LGR4: variants seen among roughly 807,000 people sequenced by gnomAD.
The protein encoded by LGR4 is leucine-rich repeat-containing G protein-coupled receptor 4.
In LGR4, 44 loss-of-function variants were observed where a neutral mutation model predicts 84.8. That is an observed-to-expected ratio of 0.52 (90% CI 0.41 to 0.67). LGR4 has a LOEUF of 0.67. LGR4 is among the 30% of genes least tolerant of loss of function. LGR4 has a pLI of 0.00. For synonymous variants in LGR4, 429 were observed against 434.3 expected, an observed-to-expected ratio of 0.99 and a Z score of 0.15; for missense variants, 1,032 against 1,131.4, an observed-to-expected ratio of 0.91 and a Z score of 1.26.
intron 2 of LGR4, among the ~76,000 whole-genome samples, chr11:27,405,047 G>A (rs1343652709): frequency 6.6e-6 from 1 of 152,168 alleles, no homozygotes; most frequent in Non-Finnish European, 1.5e-5. Context: ...GTCAAATGCA[G>A]TACAACTTCT....
chr11:27,467,727 C>A (rs1182944840), intron 1 of LGR4, among the ~76,000 whole-genome samples: 2 of 152,158 alleles, frequency 1.3e-5, no homozygotes, highest in Non-Finnish European at 2.9e-5. Context: ...GAATTATTGA[C>A]AGATCTGGAA....
Position 27,392,485 on chromosome 11 carries a change from G to A in LGR4, c.291C>T (p.His97=), listed in dbSNP as rs1386013191. The change falls in exon 3 of 18, where the codon CAC becomes CAT. Residue 97 remains histidine, a synonymous_variant. Transcript: ENST00000379214. ...CTTTCAACCCAGACAAGGCCTTTGGGTGGATAAAAGAAAGGTCGTTGCCCG... is the reference window on the plus strand; with the variant it reads ...CTTTCAACCCAGACAAGGCCTTTGGATGGATAAAAGAAAGGTCGTTGCCCG... The part of the protein sequence containing the change: ...QLAGNDLSFI[H]PKALSGLKEL... 1.3e-6 allele frequency: 2 copies of A among 1,594,166 alleles called. No homozygotes were observed. Among genetic ancestry groups the A allele is most frequent in the Non-Finnish European group, 1.7e-6 (2 of 1,173,570 alleles).
intron 17 of LGR4, 104 bp from the exon 18 acceptor site, chr11:27,369,247 A>C: frequency 3.4e-6 from 3 of 891,272 alleles, no homozygotes; most frequent in Non-Finnish European, 4.9e-6. Context: ...GACTAATTAA[A>C]TCTGCTCTCT....
chr11:27,441,911 C>G (rs969043351), intron 1 of LGR4, among the ~76,000 whole-genome samples: 1 of 152,150 alleles, frequency 6.6e-6, no homozygotes, highest in South Asian at 2.1e-4. Flanking sequence ...GACCAACAGA[C>G]AAGCCAGTAG....
chr11:27,449,861 A>C (rs1318747893), intron 1 of LGR4, among the ~76,000 whole-genome samples: 1 of 152,184 alleles, frequency 6.6e-6, no homozygotes, highest in African/African-American at 2.4e-5. Context: ...TCAATATTTT[A>C]ACAATTAGAA....
At chr11:27,417,473 C>A (rs1260781158) in intron 1 of LGR4, among the ~76,000 whole-genome samples, 1 of 152,104 alleles carries the variant, frequency 6.6e-6, no homozygotes, top group Non-Finnish European at 1.5e-5. Flanking sequence ...TTGCAAAATG[C>A]CTCCAGTGGA....
At chr11:27,429,892 AG>A (rs1864087267) in intron 1 of LGR4, among the ~76,000 whole-genome samples, 2 of 152,196 alleles carry the variant, frequency 1.3e-5, no homozygotes, top group South Asian at 4.2e-4. Context: ...AGACAGGAAG[AG>A]GGGGGACCTC....
intron 4 of LGR4, among the ~76,000 whole-genome samples, chr11:27,389,959 A>T (rs1048520606): frequency 2.0e-5 from 3 of 152,182 alleles, no homozygotes; most frequent in Non-Finnish European, 2.9e-5. Flanking sequence ...AACCACCTTA[A>T]ATTAAACTTT....
At chr11:27,384,257 T>A in intron 6 of LGR4, 79 bp downstream of exon 6, 1 of 886,272 alleles carries the variant, frequency 1.1e-6, no homozygotes, top group Non-Finnish European at 1.8e-6. Context: ...GGCCAATATT[T>A]TTTTCTTTTT....
At chr11:27,374,169 A>C (rs1281969237) in intron 13 of LGR4, 123 bp from the exon 14 acceptor site, 3 of 696,094 alleles carry the variant, frequency 4.3e-6, no homozygotes, top group African/African-American at 1.8e-5. Context: ...AAAGATCTTC[A>C]ATCTTGGCCA....
intron 1 of LGR4, among the ~76,000 whole-genome samples, chr11:27,415,093 A>T (rs555648078): frequency 6.6e-6 from 1 of 152,292 alleles, no homozygotes; most frequent in South Asian, 2.1e-4. Context: ...TAACCAATAA[A>T]ATCATTCTCA....
At chr11:27,373,513 A>C in intron 15 of LGR4, 38 bp downstream of exon 15, 1 of 1,506,278 alleles carries the variant, frequency 6.6e-7, no homozygotes, top group East Asian at 2.3e-5. Context: ...GGAGCCTACC[A>C]TAACTTCAAC....
intron 1 of LGR4, among the ~76,000 whole-genome samples, chr11:27,460,630 A>G (rs975076912): frequency 2.0e-5 from 3 of 152,244 alleles, no homozygotes; most frequent in African/African-American, 7.2e-5. Context: ...TGGAAAACAC[A>G]GTTTGATTAC....
At position 27,394,075 on chromosome 11, in the gene LGR4, G is replaced by GTT. The variant is rs566209179; in HGVS notation, c.258-1558_258-1557insAA. 5.5e-3 allele frequency among the ~76,000 whole-genome samples: 838 copies of GTT among 151,938 alleles called. 7 individuals carry two copies. Among genetic ancestry groups the GTT allele is most frequent in the African/African-American group, 0.019 (784 of 41,452 alleles). On this transcript the variant is annotated intron_variant, in intron 2 of 17. Coordinates refer to ENST00000379214, the MANE Select transcript of LGR4 (RefSeq NM_018490.5). ...CCGGATTCTCAGGCGATACCACCAA[G>GTT]TAGCACAGTTCATGCTCCTAAACTA...
rs1238123106 is a variant in LGR4 at position 27,376,313 on chromosome 11, T to G, written c.1167A>C (p.Ile389=). ...GACAAACTTACAGAATCCTTAGAGATATCAGGCCTTGAAAGGTGCCTTCCT... is the reference window on the plus strand; with the variant it reads ...GACAAACTTACAGAATCCTTAGAGAGATCAGGCCTTGAAAGGTGCCTTCCT... ...QIKEGTFQGL[I]SLRILDLSRN... is the part of the protein sequence containing the mutation. Residue 389 remains isoleucine (I), a synonymous_variant, in exon 13 of 18, where the codon ATA becomes ATC. Transcript: ENST00000379214. 1 of 1,578,202 alleles carries G rather than the reference T, an allele frequency of 6.3e-7. No individual in the cohort carries two copies. The highest frequency in any genetic ancestry group is 1.7e-5 in the Admixed American group (1 of 57,550).
intron 10 of LGR4, among the ~76,000 whole-genome samples, chr11:27,379,643 A>G (rs10835173): frequency 0.27 from 41,279 of 152,110 alleles, 6,187 homozygotes; most frequent in East Asian, 0.45. Flanking sequence ...TCAGGCCCCA[A>G]CTGACTGTCT....
chr11:27,460,389 C>T (rs1353695896), intron 1 of LGR4, among the ~76,000 whole-genome samples: 1 of 152,160 alleles, frequency 6.6e-6, no homozygotes, highest in Non-Finnish European at 1.5e-5. Context: ...CAAGGCCTAT[C>T]CTACTGGGAA....
At chr11:27,404,672 G>A (rs774391768) in intron 2 of LGR4, among the ~76,000 whole-genome samples, 1 of 152,110 alleles carries the variant, frequency 6.6e-6, no homozygotes, top group Non-Finnish European at 1.5e-5. Context: ...GAGTGATGGT[G>A]CAAGGACAGG....
At chr11:27,418,494 T>C (rs1433783053) in intron 1 of LGR4, among the ~76,000 whole-genome samples, 1 of 152,164 alleles carries the variant, frequency 6.6e-6, no homozygotes, top group Non-Finnish European at 1.5e-5. Context: ...CTGTCTGACA[T>C]CTTCTGTTTT....
Sources: allele counts gnomAD v4.1 joint callset (sites outside exome capture counted in the v4.1 genomes callset), GRCh38; gene constraint gnomAD v4.1.1; transcripts MANE v1.5; gene names NCBI Gene and HGNC (gene_info 2026-07-23, HGNC 2026-07-21).